PDE4B: variants seen among roughly 807,000 people sequenced by gnomAD.
The protein encoded by PDE4B is phosphodiesterase 4B, also known as 3',5'-cyclic-AMP phosphodiesterase 4B.
Under a neutral mutation model 82.2 loss-of-function variants are expected in PDE4B, and 20 were observed. The ratio of observed to expected loss-of-function variants is 0.24; its 90% CI spans 0.17 to 0.35. PDE4B has a LOEUF of 0.35. PDE4B is among the 10% of genes least tolerant of loss of function. PDE4B has a pLI of 1.00. For missense variants in PDE4B, 655 were observed against 907.2 expected (o/e 0.72, Z 3.57); for synonymous variants, 320 against 318.9 (o/e 1.00, Z -0.04).
intron 3 of PDE4B, among the ~76,000 whole-genome samples, chr1:65,945,461 G>A (rs971550140): frequency 2.0e-5 from 3 of 152,052 alleles, no homozygotes; most frequent in Admixed American, 6.6e-5. Context: ...AAGAATACAC[G>A]TTAATTCCGG....
intron 1 of PDE4B, among the ~76,000 whole-genome samples, chr1:65,855,115 A>T (rs1646376770): frequency 6.6e-6 from 1 of 150,954 alleles, no homozygotes; most frequent in Non-Finnish European, 1.5e-5. Context: ...TAGTTATAAT[A>T]TCTGCTTTTA....
intron 2 of PDE4B, among the ~76,000 whole-genome samples, chr1:65,915,357 TCTGA>T (rs1320409254): frequency 9.9e-5 from 15 of 152,226 alleles, no homozygotes; most frequent in African/African-American, 2.7e-4. Flanking sequence ...CAATAGGGAC[TCTGA>T]CTGTCATTTG....
At chr1:66,355,320 C>G (rs1662151265) in intron 8 of PDE4B, 1 of 422,440 alleles carries the variant, frequency 2.4e-6, no homozygotes, top group Admixed American at 4.1e-5. Flanking sequence ...GATGTTAATT[C>G]TAAGAAATCT....
At chr1:65,858,439 A>G (rs1297464445) in intron 1 of PDE4B, among the ~76,000 whole-genome samples, 1 of 152,218 alleles carries the variant, frequency 6.6e-6, no homozygotes, top group Admixed American at 6.5e-5. Flanking sequence ...AACAGCCGTG[A>G]TGGCTATTTG....
chr1:65,804,763 G>A (rs1439482829), intron 1 of PDE4B, among the ~76,000 whole-genome samples: 1 of 152,108 alleles, frequency 6.6e-6, no homozygotes. Flanking sequence ...TTCCAGGTGG[G>A]CTGGGAGGAG....
intron 3 of PDE4B, chr1:66,046,289 A>T (rs1654708889): frequency 6.6e-6 from 1 of 151,814 alleles, no homozygotes; most frequent in South Asian, 2.1e-4. Flanking sequence ...TTATTAATTC[A>T]AAAGCAGGTA....
At chr1:65,940,455 T>C (rs1648384238) in intron 3 of PDE4B, among the ~76,000 whole-genome samples, 1 of 152,146 alleles carries the variant, frequency 6.6e-6, no homozygotes. Flanking sequence ...ATGACATTAT[T>C]TGACTTTAAA....
chr1:66,100,870 T>C (rs1645207564), intron 3 of PDE4B, among the ~76,000 whole-genome samples: 1 of 152,206 alleles, frequency 6.6e-6, no homozygotes, highest in South Asian at 2.1e-4. Flanking sequence ...CTAGGGTACA[T>C]GTGCACAACG....
chr1:66,106,677 G>A (rs995839524), intron 3 of PDE4B, among the ~76,000 whole-genome samples: 3 of 152,100 alleles, frequency 2.0e-5, no homozygotes, highest in Admixed American at 1.3e-4. Context: ...GAGGGCGTAT[G>A]TGTTGAGAAA....
At chr1:66,097,986 C>A (rs1460823581) in intron 3 of PDE4B, among the ~76,000 whole-genome samples, 1 of 151,820 alleles carries the variant, frequency 6.6e-6, no homozygotes, top group Non-Finnish European at 1.5e-5. Context: ...TGGCCCAGAG[C>A]ACCAATTAGT....
chr1:66,199,719 T>C (rs554037466), intron 3 of PDE4B, among the ~76,000 whole-genome samples: 2 of 152,050 alleles, frequency 1.3e-5, no homozygotes, highest in Non-Finnish European at 2.9e-5. Flanking sequence ...GATTCACAAA[T>C]ATCTACACCT....
intron 1 of PDE4B, among the ~76,000 whole-genome samples, chr1:65,823,870 C>T (rs1466385916): frequency 2.0e-5 from 3 of 152,186 alleles, no homozygotes; most frequent in African/African-American, 7.2e-5. Flanking sequence ...CACCCATGAG[C>T]TCCACTGCTT....
intron 7 of PDE4B, among the ~76,000 whole-genome samples, chr1:66,284,501 A>C (rs1656527075): frequency 6.6e-6 from 1 of 152,124 alleles, no homozygotes; most frequent in Admixed American, 6.6e-5. Context: ...TGCTCAAACA[A>C]ATGGAGGCCA....
chr1:65,954,505 CATCATGATCTT>C (rs1360642656), intron 3 of PDE4B, among the ~76,000 whole-genome samples: 1 of 151,968 alleles, frequency 6.6e-6, no homozygotes, highest in Non-Finnish European at 1.5e-5. Flanking sequence ...TGCATGATCT[CATCATGATCTT>C]ATCATGATCT....
intron 1 of PDE4B, among the ~76,000 whole-genome samples, chr1:65,823,256 T>G (rs1645975515): frequency 6.6e-6 from 1 of 151,258 alleles, no homozygotes; most frequent in Non-Finnish European, 1.5e-5. Context: ...ATTTGCTGGG[T>G]GTGGTGGTGT....
At chr1:65,887,234 C>CT (rs1307194387) in intron 1 of PDE4B, among the ~76,000 whole-genome samples, 1,067 of 14,342 alleles carry the variant, frequency 0.074, 11 homozygotes, top group East Asian at 0.24. Context: ...TTCTTTCTTT[C>CT]TTTCTTTCTT....
chr1:66,067,210 G>A (rs1470369675), intron 3 of PDE4B, among the ~76,000 whole-genome samples: 1 of 152,016 alleles, frequency 6.6e-6, no homozygotes, highest in Non-Finnish European at 1.5e-5. Context: ...ACCCAGTAAT[G>A]GGATGGCTGG....
chr1:65,831,350 G>C (rs1182064002), intron 1 of PDE4B, among the ~76,000 whole-genome samples: 1 of 152,080 alleles, frequency 6.6e-6, no homozygotes, highest in Non-Finnish European at 1.5e-5. Context: ...TGAAAGAGGG[G>C]ACATGACTAG....
intron 3 of PDE4B, among the ~76,000 whole-genome samples, chr1:65,999,032 C>A (rs572914860): frequency 6.6e-6 from 1 of 152,156 alleles, no homozygotes; most frequent in Non-Finnish European, 1.5e-5. Context: ...ATCAAGTCTT[C>A]AATATATTGG....
Sources: allele counts gnomAD v4.1 joint callset (sites outside exome capture counted in the v4.1 genomes callset), GRCh38; gene constraint gnomAD v4.1.1; transcripts MANE v1.5; gene names NCBI Gene and HGNC (gene_info 2026-07-23, HGNC 2026-07-21).